Variants in RBFOX1 observed in about 807,000 individuals in gnomAD.
The protein encoded by RBFOX1 is RNA binding protein fox-1 homolog 1.
In RBFOX1, 8 loss-of-function variants were observed where a neutral mutation model predicts 57.7. The ratio of observed to expected loss-of-function variants is 0.14; its 90% CI spans 0.08 to 0.25. The LOEUF (loss-of-function observed/expected upper bound fraction) is 0.25. RBFOX1 is among the 10% of genes least tolerant of loss of function. The pLI is 1.00. For synonymous variants in RBFOX1, 326 were observed against 222.4 expected, an observed-to-expected ratio of 1.47 and a Z score of -4.15; for missense variants, 611 against 548.5, an observed-to-expected ratio of 1.11 and a Z score of -1.14.
chr16:5,761,208 A>G (rs1164449396), intron 3 of RBFOX1, among the ~76,000 whole-genome samples: 1 of 152,188 alleles, frequency 6.6e-6, no homozygotes, highest in Non-Finnish European at 1.5e-5. Flanking sequence ...ATTTTGTGAC[A>G]TGGTGATGCA....
intron 1 of RBFOX1, among the ~76,000 whole-genome samples, chr16:5,244,808 A>C (rs1384850751): frequency 6.6e-6 from 1 of 152,216 alleles, no homozygotes; most frequent in East Asian, 1.9e-4. Flanking sequence ...GGAAGAAGAC[A>C]CGGAGCACAT....
At chr16:6,793,932 C>G (rs1339277242) in intron 3 of RBFOX1, among the ~76,000 whole-genome samples, 2 of 152,036 alleles carry the variant, frequency 1.3e-5, no homozygotes, top group African/African-American at 2.4e-5. Flanking sequence ...GGGGAGTGAT[C>G]ACATACTGAG....
chr16:6,837,482 A>G (rs1440629341), intron 3 of RBFOX1, among the ~76,000 whole-genome samples: 3 of 152,206 alleles, frequency 2.0e-5, no homozygotes, highest in Non-Finnish European at 4.4e-5. Context: ...TGAGAACTAG[A>G]CATGGATGAA....
intron 3 of RBFOX1, among the ~76,000 whole-genome samples, chr16:6,858,725 C>G (rs537904066): frequency 2.0e-5 from 3 of 152,070 alleles, no homozygotes; most frequent in African/African-American, 7.2e-5. Context: ...AGCTCAGCCT[C>G]TTTATGGAAC....
intron 2 of RBFOX1, among the ~76,000 whole-genome samples, chr16:6,642,588 C>G (rs2080422893): frequency 6.6e-6 from 1 of 151,894 alleles, no homozygotes; most frequent in South Asian, 2.1e-4. Flanking sequence ...CCTCTCATAA[C>G]CACACTCCAA....
At chr16:5,564,166 C>T (rs2045982789) in intron 2 of RBFOX1, among the ~76,000 whole-genome samples, 1 of 152,038 alleles carries the variant, frequency 6.6e-6, no homozygotes, top group Non-Finnish European at 1.5e-5. Flanking sequence ...TCCGCACCAC[C>T]ATGCCTGGCT....
intron 2 of RBFOX1, among the ~76,000 whole-genome samples, chr16:5,593,218 A>G (rs915475087): frequency 3.3e-5 from 5 of 152,158 alleles, no homozygotes; most frequent in Non-Finnish European, 7.3e-5. Context: ...AGAAACCATC[A>G]TTCTCAGCAA....
At chr16:6,964,738 C>G (rs112965395) in intron 3 of RBFOX1, among the ~76,000 whole-genome samples, 8,706 of 152,262 alleles carry the variant, frequency 0.057, 338 homozygotes, top group Non-Finnish European at 0.083. Context: ...AAGCACTTGT[C>G]CCTGCAATTC....
intron 3 of RBFOX1, among the ~76,000 whole-genome samples, chr16:7,007,845 G>A (rs947644104): frequency 3.3e-5 from 5 of 152,136 alleles, no homozygotes; most frequent in Non-Finnish European, 7.3e-5. Flanking sequence ...CCACCTAGTG[G>A]ACACCTCAGC....
chr16:6,675,765 C>G (rs2057528548), intron 3 of RBFOX1, among the ~76,000 whole-genome samples: 1 of 152,092 alleles, frequency 6.6e-6, no homozygotes, highest in Non-Finnish European at 1.5e-5. Context: ...GTGAGATTTA[C>G]TCACTACCAC....
intron 2 of RBFOX1, among the ~76,000 whole-genome samples, chr16:5,523,342 G>A (rs900494155): frequency 2.0e-5 from 3 of 151,432 alleles, no homozygotes; most frequent in South Asian, 2.1e-4. Flanking sequence ...CCAGCTGGGC[G>A]CGGTGGTTTA....
At chr16:6,300,302 A>G (rs1324425065) in intron 1 of RBFOX1, among the ~76,000 whole-genome samples, 2 of 152,182 alleles carry the variant, frequency 1.3e-5, no homozygotes, top group African/African-American at 4.8e-5. Flanking sequence ...ATATACTTGA[A>G]TATCACTAAA....
intron 1 of RBFOX1, among the ~76,000 whole-genome samples, chr16:6,143,364 A>C (rs147059184): frequency 9.2e-5 from 14 of 152,190 alleles, no homozygotes; most frequent in Admixed American, 9.2e-4. Context: ...TTAATTGACC[A>C]TTATGTTCAT....
intron 3 of RBFOX1, among the ~76,000 whole-genome samples, chr16:6,763,881 C>T (rs930526332): frequency 1.3e-5 from 2 of 152,286 alleles, no homozygotes; most frequent in East Asian, 1.9e-4. Context: ...TATTGAAGTG[C>T]TTGCTTATGT....
chr16:5,730,451 C>T (rs929764373), intron 3 of RBFOX1, among the ~76,000 whole-genome samples: 1 of 152,204 alleles, frequency 6.6e-6, no homozygotes, highest in African/African-American at 2.4e-5. Context: ...TGGCTGCGCA[C>T]ACACACTGGA....
intron 1 of RBFOX1, among the ~76,000 whole-genome samples, chr16:5,407,158 T>C (rs1435966840): frequency 6.6e-6 from 1 of 152,102 alleles, no homozygotes; most frequent in Non-Finnish European, 1.5e-5. Flanking sequence ...GAGTGAAAAG[T>C]GCAGGGGAAG....
intron 4 of RBFOX1, among the ~76,000 whole-genome samples, chr16:7,462,523 C>T (rs1337533106): frequency 6.6e-6 from 1 of 152,206 alleles, no homozygotes; most frequent in East Asian, 1.9e-4. Context: ...AAAAACCCGC[C>T]ATGTATTATC....
chr16:6,894,191 C>G (rs1479439225), intron 3 of RBFOX1, among the ~76,000 whole-genome samples: 3 of 152,156 alleles, frequency 2.0e-5, no homozygotes, highest in Non-Finnish European at 4.4e-5. Flanking sequence ...CCTTTTTATT[C>G]AAAGTAAGCT....
At chr16:6,957,374 G>T (rs1009502850) in intron 3 of RBFOX1, among the ~76,000 whole-genome samples, 1 of 152,036 alleles carries the variant, frequency 6.6e-6, no homozygotes, top group Admixed American at 6.6e-5. Flanking sequence ...TTCGTGATCT[G>T]CCTCCCAATG....
Sources: gnomAD v4.1 joint callset for allele counts (sites outside exome capture counted in the v4.1 genomes callset) on GRCh38, gnomAD v4.1.1 for gene constraint, MANE v1.5 for transcripts, NCBI Gene and HGNC (gene_info 2026-07-23, HGNC 2026-07-21) for gene names.